ATP2B4: variants seen among roughly 807,000 people sequenced by gnomAD.
ATP2B4 encodes the protein plasma membrane calcium-transporting ATPase 4.
In ATP2B4, 39 loss-of-function variants were observed where a neutral mutation model predicts 110.3. That is an observed-to-expected ratio of 0.35 (90% CI 0.27 to 0.46). The LOEUF is 0.46. Ranked by LOEUF, ATP2B4 falls within the 20% of genes least tolerant of loss-of-function variation. The probability of loss-of-function intolerance (pLI) is 1.00; values close to 1 mark genes in which losing one functional copy is unlikely to be tolerated. For synonymous variants in ATP2B4, 538 were observed against 571.7 expected (o/e 0.94, Z 0.84); for missense variants, 1,135 against 1,530.9 (o/e 0.74, Z 4.32).
At chr1:203,662,482 C>T (rs1664370271) in intron 1 of ATP2B4, among the ~76,000 whole-genome samples, 1 of 152,206 alleles carries the variant, frequency 6.6e-6, no homozygotes, top group Non-Finnish European at 1.5e-5. Context: ...CTCCATCCAG[C>T]CTGTGGTAAC....
intron 1 of ATP2B4, among the ~76,000 whole-genome samples, chr1:203,667,004 T>C (rs962296308): frequency 6.6e-6 from 1 of 152,184 alleles, no homozygotes; most frequent in Non-Finnish European, 1.5e-5. Flanking sequence ...CAGGCTGGAG[T>C]ACAGTGGTGC....
At chr1:203,737,579 T>C (rs761289964) in intron 20 of ATP2B4, among the ~76,000 whole-genome samples, 1 of 152,150 alleles carries the variant, frequency 6.6e-6, no homozygotes, top group East Asian at 1.9e-4. Flanking sequence ...GAAGACCAGA[T>C]GGAGCCTCCA....
At chr1:203,706,408 G>A (rs1275226462) in intron 8 of ATP2B4, among the ~76,000 whole-genome samples, 6 of 152,144 alleles carry the variant, frequency 3.9e-5, no homozygotes, top group Non-Finnish European at 1.5e-5. Context: ...CCCACAGCAG[G>A]TGCCCACATA....
chr1:203,640,790 A>G (rs1384709372), intron 1 of ATP2B4, among the ~76,000 whole-genome samples: 2 of 152,264 alleles, frequency 1.3e-5, no homozygotes, highest in Admixed American at 1.3e-4. Context: ...AAAGATGTTC[A>G]TAAACCATAA....
intron 10 of ATP2B4, 143 bp from the exon 11 acceptor site, chr1:203,709,158 A>C: frequency 1.6e-6 from 2 of 1,231,976 alleles, no homozygotes; most frequent in Non-Finnish European, 2.2e-6. Flanking sequence ...CTCCATCTCC[A>C]AAAAAGAAAA....
intron 2 of ATP2B4, among the ~76,000 whole-genome samples, chr1:203,687,258 GA>G (rs1558034114): frequency 6.9e-5 from 3 of 43,612 alleles, no homozygotes; most frequent in Non-Finnish European, 1.4e-4. Context: ...AAATAAGAAA[GA>G]AAAAGAAAGA....
At chr1:203,655,420 C>A (rs931172454) in intron 1 of ATP2B4, among the ~76,000 whole-genome samples, 2 of 151,990 alleles carry the variant, frequency 1.3e-5, no homozygotes, top group Non-Finnish European at 2.9e-5. Context: ...CCAAGGCAGG[C>A]GGATCACCTG....
At chr1:203,679,663 T>C (rs1468379390) in intron 1 of ATP2B4, among the ~76,000 whole-genome samples, 6 of 151,976 alleles carry the variant, frequency 3.9e-5, no homozygotes, top group Non-Finnish European at 5.9e-5. Flanking sequence ...GGGGGGTGGA[T>C]CACAAGGTCA....
chr1:203,683,657 CTTTTGTTTCT>C (rs1665084251), intron 2 of ATP2B4, among the ~76,000 whole-genome samples: 1 of 128,976 alleles, frequency 7.8e-6, no homozygotes, highest in African/African-American at 2.8e-5. Flanking sequence ...CTTTCTTCTT[CTTTTGTTTCT>C]TTTTTTTTTT....
intron 1 of ATP2B4, 134 bp downstream of exon 1, chr1:203,627,353 T>A (rs192467816): frequency 1.1e-4 from 17 of 152,380 alleles, no homozygotes; most frequent in African/African-American, 2.6e-4. Flanking sequence ...GGATTTTTTT[T>A]AAAATATGTG....
chr1:203,705,341 A>G (rs1420637501), intron 8 of ATP2B4, among the ~76,000 whole-genome samples: 2 of 152,232 alleles, frequency 1.3e-5, no homozygotes, highest in African/African-American at 4.8e-5. Context: ...GGTTTGAAAC[A>G]TTAAATCTAC....
chr1:203,683,439 C>A, intron 2 of ATP2B4, 41 bp downstream of exon 2: 1 of 1,523,038 alleles, frequency 6.6e-7, no homozygotes, highest in Non-Finnish European at 8.9e-7. Flanking sequence ...AGGAAGGTGG[C>A]TAGTGTTTCA....
chr1:203,683,413 A>C lies in ATP2B4; in HGVS notation c.193+15A>C. The C allele has an allele frequency of 6.4e-7, 1 of 1,573,880 alleles. No homozygotes were observed. The highest frequency in any genetic ancestry group is 8.7e-7 in the Non-Finnish European group (1 of 1,155,972). ...CCCTGTGGAAGGTAAAGGCCATATC[A>C]GGGGTGGGGAGTTGGAGGAAGGTGG... On this transcript the variant is annotated intron_variant, in intron 2 of 20. Transcript: ENST00000357681.
rs1453083032 is a variant in ATP2B4, at chr1:203,723,826, C to G, written c.3025-55C>G. 7.7e-6 allele frequency: 11 copies of G among 1,437,228 alleles called. No homozygotes were observed. In the South Asian group the frequency reaches 1.3e-4, roughly 17 times the overall value. 89.0% of individuals were successfully genotyped at this position (1,437,228 alleles called of 1,614,324 possible). A position where few individuals can be genotyped will look rare whatever the true frequency, so the allele number is the denominator to read the frequency against. Reference sequence around the variant, plus strand: ...GGCTTTGGGGGCCTTGGCTGGAGGGCCAGCTGCCTGTTAGTCATTTCCTTG... The same window carrying G: ...GGCTTTGGGGGCCTTGGCTGGAGGGGCAGCTGCCTGTTAGTCATTTCCTTG... On this transcript the variant is annotated intron_variant, in intron 18 of 20. Transcript: ENST00000357681.
chr1:203,733,376 G>A, intron 20 of ATP2B4: 1 of 1,613,850 alleles, frequency 6.2e-7, no homozygotes, highest in Non-Finnish European at 8.5e-7. Flanking sequence ...TTCTGTTCCT[G>A]CTGTTTCATC....
chr1:203,627,905 G>A (rs1197465723), intron 1 of ATP2B4, among the ~76,000 whole-genome samples: 1 of 152,234 alleles, frequency 6.6e-6, no homozygotes, highest in East Asian at 1.9e-4. Flanking sequence ...ATAATTAGCT[G>A]TGGAAAAAGC....
intron 20 of ATP2B4, among the ~76,000 whole-genome samples, chr1:203,729,417 C>T (rs1208023922): frequency 2.0e-5 from 3 of 149,826 alleles, no homozygotes; most frequent in South Asian, 2.1e-4. Context: ...TGGTGGTGGG[C>T]GCCTGTAATC....
intron 1 of ATP2B4, among the ~76,000 whole-genome samples, chr1:203,651,750 G>A (rs571243715): frequency 6.6e-6 from 1 of 152,068 alleles, no homozygotes; most frequent in Admixed American, 6.5e-5. Context: ...GACAGAGTGA[G>A]CCTGTATCTA....
At chr1:203,635,977 C>T (rs1405050772) in intron 1 of ATP2B4, among the ~76,000 whole-genome samples, 2 of 152,182 alleles carry the variant, frequency 1.3e-5, no homozygotes, top group Admixed American at 1.3e-4. Flanking sequence ...GCACCTGGGC[C>T]CTGATGAGTG....
Sources: allele counts gnomAD v4.1 joint callset (sites outside exome capture counted in the v4.1 genomes callset), GRCh38; gene constraint gnomAD v4.1.1; transcripts MANE v1.5; gene names NCBI Gene and HGNC (gene_info 2026-07-23, HGNC 2026-07-21).